The following IL13RA2 variants were observed in gnomAD, a reference collection of about 807,000 sequenced individuals.
IL13RA2 encodes the protein interleukin 13 receptor subunit alpha 2.
In IL13RA2, 25 loss-of-function variants were observed where a neutral mutation model predicts 34.1. The observed-to-expected ratio is 0.73, with a 90% CI of 0.53 to 1.03. The LOEUF (loss-of-function observed/expected upper bound fraction) is 1.03. Among genes scored for constraint, IL13RA2 ranks in the 50% least tolerant of loss-of-function variants. IL13RA2 has a pLI of 0.00. For missense variants in IL13RA2, 297 were observed against 280.9 expected, an observed-to-expected ratio of 1.06 and a Z score of -0.41; for synonymous variants, 106 against 100.4, an observed-to-expected ratio of 1.06 and a Z score of -0.33.
intron 3 of IL13RA2, 51 bp from the exon 4 acceptor site, chrX:115,014,625 T>C (rs889307966): frequency 3.3e-6 from 3 of 918,816 alleles, no homozygotes; most frequent in Non-Finnish European, 4.6e-6. Flanking sequence ...CTCCATGGTA[T>C]AGTGAGCTAT....
chrX:115,012,316 T>C (rs2071708732), intron 5 of IL13RA2, among the ~76,000 whole-genome samples: 1 of 111,965 alleles, frequency 8.9e-6, no homozygotes, highest in African/African-American at 3.3e-5. Context: ...AGTGCTAATC[T>C]ACTACGGGTA....
chrX:115,014,334 T>C, intron 4 of IL13RA2, 87 bp downstream of exon 4: 3 of 672,487 alleles, frequency 4.5e-6, no homozygotes, highest in Non-Finnish European at 6.8e-6. Flanking sequence ...CTATTGTGCC[T>C]ACAGCCTGGT....
intron 2 of IL13RA2, among the ~76,000 whole-genome samples, chrX:115,016,056 C>T (rs1478370785): frequency 2.7e-5 from 3 of 111,618 alleles, no homozygotes; most frequent in African/African-American, 9.8e-5. Context: ...CAAAAGACCA[C>T]ATATTGACAT....
At chrX:115,008,797 C>T (rs1556508223) in intron 7 of IL13RA2, among the ~76,000 whole-genome samples, 2 of 111,816 alleles carry the variant, frequency 1.8e-5, no homozygotes, top group African/African-American at 6.5e-5. Context: ...CATAACTTAT[C>T]TTAGGAATCA....
chrX:115,013,830 G>T lies in IL13RA2; in HGVS notation c.460C>A (p.Leu154Ile). The stretch of plus-strand genomic sequence containing the variant: ...CCTATGCCAGGTTTCCAAGAACAGA[G>T]TAAATATTGCCAATTGTAATATACG... ...DCVYYNWQYL[L>I]CSWKPGIGVL... is the part of the protein sequence containing the mutation. The change falls in exon 5 of 10, where the codon CTC becomes ATC. Residue 154 changes from leucine to isoleucine, a missense_variant. Leu to Ile is a conservative substitution (Grantham distance 5). Coordinates refer to ENST00000243213, the MANE Select transcript of IL13RA2 (RefSeq NM_000640.3). 1 of 1,013,465 alleles carries T rather than the reference G, an allele frequency of 9.9e-7. No homozygotes were observed. Among genetic ancestry groups the T allele is most frequent in the Non-Finnish European group, 1.4e-6 (1 of 716,604 alleles). The allele number at this position is 1,013,465 out of a possible 1,213,427, so 83.5% of individuals were successfully genotyped here.
chrX:115,015,795 C>A lies in IL13RA2; in HGVS notation c.121G>T (p.Val41Leu), dbSNP rs1602977814. The A allele has an allele frequency of 3.4e-6, 4 of 1,185,441 alleles. No homozygotes were observed. The highest frequency in any genetic ancestry group is 4.6e-6 in the Non-Finnish European group (4 of 872,441). ...AGATAACCTAAGTATCCGGGATCCA[C>A]TATCTCAAAATCCTGAGGAGGGTTA... ...KVNPPQDFEI[V>L]DPGYLGYLYL... Residue 41 changes from valine to leucine, a missense_variant, in exon 3 of 10, where the codon GTG becomes TTG. Transcript: ENST00000243213.
chrX:115,017,208 C>T lies in IL13RA2; in HGVS notation c.62G>A (p.Gly21Asp), dbSNP rs781965713. The stretch of plus-strand genomic sequence containing the variant: ...CTCGGTGTCTGAAGATGAAGTACAG[C>T]CAAATGTTGTGCTTATCAGAAAGGT... ...LYTFLISTTF[G>D]CTSSSDTEIK... is the part of the protein sequence containing the mutation. The change falls in exon 2 of 10, where the codon GGC (glycine) becomes GAC (aspartate). Residue 21 changes from glycine (G) to aspartate (D), a missense_variant. Transcript: ENST00000243213. 1 of 964,140 alleles carries T rather than the reference C, an allele frequency of 1.0e-6. No homozygotes were observed. The highest frequency in any genetic ancestry group is 3.1e-5 in the East Asian group (1 of 32,041). The allele number at this position is 964,140 out of a possible 1,213,427, so 79.5% of individuals were successfully genotyped here.
intron 5 of IL13RA2, among the ~76,000 whole-genome samples, chrX:115,011,690 G>A (rs1165943636): frequency 1.8e-5 from 2 of 112,090 alleles, no homozygotes; most frequent in Non-Finnish European, 3.8e-5. Flanking sequence ...CAAAATTGTT[G>A]TCTCTTGGTT....
At chrX:115,007,747 C>G (rs1197327005) in intron 8 of IL13RA2, among the ~76,000 whole-genome samples, 185 bp downstream of exon 8, 1 of 111,824 alleles carries the variant, frequency 8.9e-6, no homozygotes, top group Non-Finnish European at 1.9e-5. Flanking sequence ...ATTCCTAGTC[C>G]TAACTGAATG....
intron 9 of IL13RA2, 84 bp downstream of exon 9, chrX:115,005,113 A>C: frequency 1.8e-6 from 1 of 547,731 alleles, no homozygotes; most frequent in Non-Finnish European, 3.2e-6. Flanking sequence ...AAAATTATAA[A>C]ATGTATCTCC....
chrX:115,016,772 G>A (rs1429457806), intron 2 of IL13RA2, among the ~76,000 whole-genome samples: 1 of 106,476 alleles, frequency 9.4e-6, no homozygotes, highest in African/African-American at 3.4e-5. Flanking sequence ...TAAATTTTAC[G>A]TTAAATTTCT....
chrX:115,004,539 C>T (rs2071677500), intron 9 of IL13RA2, among the ~76,000 whole-genome samples: 1 of 108,215 alleles, frequency 9.2e-6, no homozygotes, highest in African/African-American at 3.4e-5. Context: ...CCCTAGATAC[C>T]AAGGCTGCAG....
chrX:115,004,192 G>A lies in IL13RA2; in HGVS notation c.1117-86C>T, dbSNP rs2071676049. 6 of 519,628 alleles carry A rather than the reference G, an allele frequency of 1.2e-5. No individual in the cohort carries two copies. In the Admixed American group the frequency reaches 1.5e-4, roughly 13 times the overall value. 42.8% of individuals were successfully genotyped at this position (519,628 alleles called of 1,213,427 possible). A position where few individuals can be genotyped will look rare whatever the true frequency, so the allele number is the denominator to read the frequency against. On this transcript the variant is annotated intron_variant, in intron 9 of 9. Transcript: ENST00000243213. Reference sequence around the variant, plus strand: ...TTAACAACTCAGAGAATAAGCACAAGAGCATTCAGCAAACAAAGTGAAGCA... The same window carrying A: ...TTAACAACTCAGAGAATAAGCACAAAAGCATTCAGCAAACAAAGTGAAGCA...
chrX:115,015,345 G>C (rs782663774), intron 3 of IL13RA2, among the ~76,000 whole-genome samples: 1 of 111,820 alleles, frequency 8.9e-6, no homozygotes, highest in Non-Finnish European at 1.9e-5. Flanking sequence ...GCATGTATAA[G>C]GCCCACATCC....
chrX:115,006,275 A>C (rs1187763103), intron 8 of IL13RA2, among the ~76,000 whole-genome samples: 1 of 112,153 alleles, frequency 8.9e-6, no homozygotes, highest in African/African-American at 3.2e-5. Flanking sequence ...ATTTCCAAAA[A>C]TATTATTGTC....
Position 115,010,681 on chromosome X carries a change from G to T in IL13RA2, c.669C>A (p.Ile223=). Residue 223 remains isoleucine, a synonymous_variant, in exon 6 of 10, where the codon ATC becomes ATA. Transcript: ENST00000243213. Reference sequence around the variant, plus strand: ...GCTGAAAAGTGAAATAACTGGATCTGATAGGCTTGTTCTCTGATGATCCAT... The same window carrying T: ...GCTGAAAAGTGAAATAACTGGATCTTATAGGCTTGTTCTCTGATGATCCAT... ...CVNGSSENKP[I]RSSYFTFQLQ... 1 of 1,005,140 alleles carries T rather than the reference G, an allele frequency of 9.9e-7. No homozygotes were observed. Among genetic ancestry groups the T allele is most frequent in the Non-Finnish European group, 1.4e-6 (1 of 723,051 alleles). 82.8% of individuals were successfully genotyped at this position (1,005,140 alleles called of 1,213,427 possible).
Position 115,009,653 on chromosome X carries a change from C to G in IL13RA2, c.720G>C (p.Pro240=), listed in dbSNP as rs781804994. The G allele has an allele frequency of 2.1e-5, 25 of 1,205,129 alleles. No homozygotes were observed. The highest frequency in any genetic ancestry group is 2.7e-5 in the Non-Finnish European group (24 of 891,474). Residue 240 remains proline, a synonymous_variant, in exon 7 of 10, where the codon CCG becomes CCC. Transcript: ENST00000243213. ...FQLQNIVKPL[P]PVYLTFTRES... ...CCCGAGTAAAAGTAAGATAGACTGG[C>G]GGCAAAGGTTTAACTGAAAAGCAAA...
At chrX:115,011,286 A>G (rs1556508729) in intron 5 of IL13RA2, among the ~76,000 whole-genome samples, 1 of 112,061 alleles carries the variant, frequency 8.9e-6, no homozygotes, top group Admixed American at 9.5e-5. Context: ...AATAAAATGA[A>G]TGAAAATCTG....
intron 5 of IL13RA2, among the ~76,000 whole-genome samples, chrX:115,011,680 C>A (rs1556508785): frequency 8.9e-6 from 1 of 112,073 alleles, no homozygotes; most frequent in African/African-American, 3.2e-5. Flanking sequence ...GGAGAGTTTG[C>A]AAAATTGTTG....
Sources: gnomAD v4.1 joint callset for allele counts (sites outside exome capture counted in the v4.1 genomes callset) on GRCh38, gnomAD v4.1.1 for gene constraint, MANE v1.5 for transcripts, NCBI Gene and HGNC (gene_info 2026-07-23, HGNC 2026-07-21) for gene names.